TUBGCP4: variants seen among roughly 807,000 people sequenced by gnomAD.
The protein encoded by TUBGCP4 is gamma-tubulin complex component 4.
In TUBGCP4, 54 loss-of-function variants were observed where a neutral mutation model predicts 91.6. That is an observed-to-expected ratio of 0.59 (90% CI 0.47 to 0.74). The LOEUF is 0.74. TUBGCP4 is among the 30% of genes least tolerant of loss of function. TUBGCP4 has a pLI of 0.00. For missense variants in TUBGCP4, 593 were observed against 800.9 expected, an observed-to-expected ratio of 0.74 and a Z score of 3.13; for synonymous variants, 297 against 302.8, an observed-to-expected ratio of 0.98 and a Z score of 0.20.
In TUBGCP4 at chr15:43,406,315, C is replaced by A; in HGVS notation, c.*1101C>A. The A allele has an allele frequency of 4.0e-6, 1 of 252,118 alleles. No homozygotes were observed. The highest frequency in any genetic ancestry group is 4.8e-5 in the South Asian group (1 of 20,694). 15.6% of individuals were successfully genotyped at this position (252,118 alleles called of 1,614,324 possible). A position where few individuals can be genotyped will look rare whatever the true frequency, so the allele number is the denominator to read the frequency against. ...TTCTGGCATCAGGTTATAGTCACTG[C>A]ATCTGGTTTTCATCACTACATATTC... On this transcript the variant is annotated 3_prime_UTR_variant, in exon 18 of 18. Transcript: ENST00000564079.
In TUBGCP4 at chr15:43,377,611, C is replaced by CAA. The variant is rs60932318; in HGVS notation, c.385-220_385-219dup. 38,200 of 257,328 alleles carry CAA rather than the reference C, an allele frequency of 0.15. 5,687 individuals carry two copies. The highest frequency in any genetic ancestry group is 0.58 in the African/African-American group (16,982 of 29,532). 15.9% of individuals were successfully genotyped at this position (257,328 alleles called of 1,614,324 possible). ...TGGGTGACAGAGTGAGACCCTGTCT[C>CAA]AAAAAAAAAAAAAAAAAGAAAAAAG... On this transcript the variant is annotated intron_variant, in intron 4 of 17. Transcript: ENST00000564079.
At chr15:43,389,442 C>T (rs766440514) in intron 9 of TUBGCP4, among the ~76,000 whole-genome samples, 4 of 152,004 alleles carry the variant, frequency 2.6e-5, no homozygotes, top group Non-Finnish European at 5.9e-5. Context: ...CCAGGCTGGT[C>T]TTGAACTCCT....
Position 43,385,559 on chromosome 15 carries a change from G to C in TUBGCP4, c.724-232G>C, listed in dbSNP as rs1337128763. On this transcript the variant is annotated intron_variant, in intron 7 of 17. Transcript: ENST00000564079. ...GTTTTTACTCAGTAGTAAAGGCAGA[G>C]TGAGGGCCCAAATCCCAGTATTTAA... The C allele has an allele frequency of 5.6e-6, 3 of 535,332 alleles. No homozygotes were observed. The African/African-American group carries it at 6.0e-5, about 11-fold the overall frequency. 33.2% of individuals were successfully genotyped at this position (535,332 alleles called of 1,614,324 possible). A position where few individuals can be genotyped will look rare whatever the true frequency, so the allele number is the denominator to read the frequency against.
At chr15:43,386,377 A>ATTTTTTTT (rs748820688) in intron 9 of TUBGCP4, 47 bp downstream of exon 9, 10 of 19,114 alleles carry the variant, frequency 5.2e-4, no homozygotes, top group African/African-American at 1.5e-3. Context: ...ATATATATAT[A>ATTTTTTTT]TTTTTTTTTT....
intron 16 of TUBGCP4, 182 bp from the exon 17 acceptor site, chr15:43,404,231 G>T (rs1433106963): frequency 3.2e-6 from 2 of 628,510 alleles, no homozygotes; most frequent in African/African-American, 3.7e-5. Context: ...AGGAAGTCAT[G>T]CATGTATGGA....
intron 6 of TUBGCP4, among the ~76,000 whole-genome samples, chr15:43,383,016 G>C (rs897861215): frequency 6.6e-6 from 1 of 151,938 alleles, no homozygotes; most frequent in Non-Finnish European, 1.5e-5. Flanking sequence ...TAAAACAGTT[G>C]TACATATTTA....
chr15:43,406,828 C>T lies in TUBGCP4; in HGVS notation c.*1614C>T, dbSNP rs2044909125. The T allele has an allele frequency of 3.1e-6, 1 of 327,840 alleles. No individual in the cohort carries two copies. Among genetic ancestry groups the T allele is most frequent in the East Asian group, 7.9e-5 (1 of 12,582 alleles). 20.3% of individuals were successfully genotyped at this position (327,840 alleles called of 1,614,324 possible). The stretch of plus-strand genomic sequence containing the variant: ...GCTTATGGTCACTGTCCCTTCATGG[C>T]AGTTGGTCCTTTCGTTCTCCCTTTA... On this transcript the variant is annotated 3_prime_UTR_variant, in exon 18 of 18. Transcript: ENST00000564079.
In TUBGCP4 at chr15:43,399,007, C is replaced by G. The variant is rs1045457103; in HGVS notation, c.1418+828C>G. The G allele has an allele frequency of 9.0e-6, 4 of 442,284 alleles. No homozygotes were observed. In the East Asian group the frequency reaches 2.9e-4, roughly 32 times the overall value. The allele number at this position is 442,284 out of a possible 1,614,324, so 27.4% of individuals were successfully genotyped here. On this transcript the variant is annotated intron_variant, in intron 13 of 17. Coordinates refer to ENST00000564079, the MANE Select transcript of TUBGCP4 (RefSeq NM_014444.5). ...CTTATAATCCCTTATAATATCCAGT[C>G]TACATTGAAATTTCTCCAGTTATCT...
At chr15:43,403,514 T>A in intron 15 of TUBGCP4, 169 bp from the exon 16 acceptor site, 1 of 580,278 alleles carries the variant, frequency 1.7e-6, no homozygotes, top group Admixed American at 3.1e-5. Context: ...TTACGCATTT[T>A]GTGCGTCTGA....
At chr15:43,400,319 A>C in intron 14 of TUBGCP4, 98 bp downstream of exon 14, 3 of 998,830 alleles carry the variant, frequency 3.0e-6, no homozygotes, top group Non-Finnish European at 1.4e-6. Context: ...CTATTTGATA[A>C]AATGGTGGGG....
At chr15:43,377,693 C>T in intron 4 of TUBGCP4, 154 bp from the exon 5 acceptor site, 5 of 603,226 alleles carry the variant, frequency 8.3e-6, no homozygotes, top group South Asian at 6.3e-5. Flanking sequence ...CGAACCTCCA[C>T]ATCAAATTGC....
At chr15:43,405,091 T>A in intron 17 of TUBGCP4, 111 bp from the exon 18 acceptor site, 1 of 1,286,794 alleles carries the variant, frequency 7.8e-7, no homozygotes, top group Non-Finnish European at 1.1e-6. Flanking sequence ...AAAGAAACTC[T>A]TCAGTTTTAA....
At position 43,395,186 on chromosome 15, in the gene TUBGCP4, G is replaced by A. The variant is rs79229262; in HGVS notation, c.1065+29G>A. ...ATGGCTTAGCTGTTGTAATTCTTAC[G>A]GTGATGCTGGTAGGCAGTGACTTGC... On this transcript the variant is annotated intron_variant, in intron 10 of 17. Transcript: ENST00000564079. The A allele has an allele frequency of 8.3e-3, 13,430 of 1,612,558 alleles. 430 individuals are homozygous for A. The African/African-American group carries it at 0.087, about 10-fold the overall frequency.
intron 9 of TUBGCP4, among the ~76,000 whole-genome samples, chr15:43,393,430 C>T (rs911974642): frequency 4.0e-5 from 6 of 151,242 alleles, no homozygotes; most frequent in Admixed American, 2.0e-4. Context: ...AGGATGGTTT[C>T]GATCTCTTTT....
chr15:43,384,761 T>C (rs1187266282), intron 7 of TUBGCP4, among the ~76,000 whole-genome samples: 1 of 152,196 alleles, frequency 6.6e-6, no homozygotes, highest in Admixed American at 6.5e-5. Flanking sequence ...AGCAAGTGGG[T>C]ACCACAGTCA....
intron 17 of TUBGCP4, 88 bp downstream of exon 17, chr15:43,404,640 G>A: frequency 5.7e-6 from 8 of 1,401,254 alleles, no homozygotes; most frequent in Non-Finnish European, 7.9e-6. Flanking sequence ...GAAGACTTTA[G>A]TCCAAATACC....
chr15:43,405,136 C>G, intron 17 of TUBGCP4, 66 bp from the exon 18 acceptor site: 1 of 1,563,874 alleles, frequency 6.4e-7, no homozygotes, highest in Non-Finnish European at 8.8e-7. Context: ...TATCCTGATT[C>G]ATATTTCTTT....
In TUBGCP4 at chr15:43,408,669, G is replaced by T. The variant is rs2045008683; in HGVS notation, c.*3455G>T. 1.9e-6 allele frequency: 1 copy of T among 525,984 alleles called. No individual in the cohort carries two copies. The allele number at this position is 525,984 out of a possible 1,614,324, so 32.6% of individuals were successfully genotyped here. On this transcript the variant is annotated 3_prime_UTR_variant, in exon 18 of 18. Coordinates refer to ENST00000564079, the MANE Select transcript of TUBGCP4 (RefSeq NM_014444.5). Reference sequence around the variant, plus strand: ...TTAGTTCTCTGACTTTACAGGTTGAGAATATTGAACCTATATACAAATCTT... The same window carrying T: ...TTAGTTCTCTGACTTTACAGGTTGATAATATTGAACCTATATACAAATCTT...
chr15:43,393,610 CA>C, intron 9 of TUBGCP4, among the ~76,000 whole-genome samples: 1 of 152,072 alleles, frequency 6.6e-6, no homozygotes, highest in East Asian at 1.9e-4. Flanking sequence ...CCCCACCCTA[CA>C]ACAGTCCCCG....
Sources: gnomAD v4.1 joint callset for allele counts (sites outside exome capture counted in the v4.1 genomes callset) on GRCh38, gnomAD v4.1.1 for gene constraint, MANE v1.5 for transcripts, NCBI Gene and HGNC (gene_info 2026-07-23, HGNC 2026-07-21) for gene names.